Variants in RCOR3 observed in about 807,000 individuals in gnomAD.
The protein encoded by RCOR3 is REST corepressor 3.
In RCOR3, 13 loss-of-function variants were observed where a neutral mutation model predicts 64.1. That is an observed-to-expected ratio of 0.20 (90% CI 0.13 to 0.32). The LOEUF is 0.32. Ranked by LOEUF, RCOR3 falls within the 10% of genes least tolerant of loss-of-function variation. RCOR3 has a pLI of 1.00. For synonymous variants in RCOR3, 215 were observed against 239.0 expected (o/e 0.90, Z 0.93); for missense variants, 489 against 701.2 (o/e 0.70, Z 3.42).
intron 9 of RCOR3, chr1:211,303,537 C>T (rs1182569008): frequency 6.6e-6 from 1 of 152,420 alleles, no homozygotes; most frequent in South Asian, 2.1e-4. Context: ...CTAATGAAGT[C>T]TGATTAGATA....
At chr1:211,298,618 T>A (rs931780951) in intron 9 of RCOR3, among the ~76,000 whole-genome samples, 2 of 152,178 alleles carry the variant, frequency 1.3e-5, no homozygotes, top group African/African-American at 4.8e-5. Context: ...AGAGAAGGAA[T>A]GAACATGGTA....
At chr1:211,274,964 G>A (rs1696751493) in intron 4 of RCOR3, among the ~76,000 whole-genome samples, 1 of 151,322 alleles carries the variant, frequency 6.6e-6, no homozygotes, top group South Asian at 2.1e-4. Context: ...AACATACATA[G>A]TTATGGAGAT....
At chr1:211,275,503 A>C (rs1696836453) in intron 4 of RCOR3, among the ~76,000 whole-genome samples, 1 of 152,118 alleles carries the variant, frequency 6.6e-6, no homozygotes, top group South Asian at 2.1e-4. Flanking sequence ...TAACAAACTC[A>C]CTATTTATAA....
Position 211,289,027 on chromosome 1 carries a change from T to C in RCOR3, c.721-151T>C, listed in dbSNP as rs1428709551. 4.8e-6 allele frequency: 3 copies of C among 618,692 alleles called. No individual in the cohort carries two copies. In the African/African-American group the frequency reaches 5.5e-5, roughly 11 times the overall value. The allele number at this position is 618,692 out of a possible 1,614,324, so 38.3% of individuals were successfully genotyped here. ...CCAGTTGGTGAGTGTTATGTGTGTG[T>C]GTGTATGGACTTGTACATAATATAT... On this transcript the variant is annotated intron_variant, in intron 7 of 11. Coordinates refer to ENST00000419091, the MANE Select transcript of RCOR3 (RefSeq NM_001136223.3).
At chr1:211,283,419 G>T (rs1698096535) in intron 7 of RCOR3, among the ~76,000 whole-genome samples, 1 of 152,158 alleles carries the variant, frequency 6.6e-6, no homozygotes, top group African/African-American at 2.4e-5. Context: ...ACTTTCCTAG[G>T]TAATGGCATA....
chr1:211,308,365 C>T (rs1052560722), intron 10 of RCOR3, among the ~76,000 whole-genome samples: 1 of 152,126 alleles, frequency 6.6e-6, no homozygotes, highest in Non-Finnish European at 1.5e-5. Context: ...GCTACCTTTT[C>T]TACCTCTTAA....
In RCOR3 at chr1:211,295,413, G is replaced by A. The variant is rs988506134; in HGVS notation, c.940-263G>A. Among the ~76,000 whole-genome samples, 4 of 152,030 alleles carry A rather than the reference G, an allele frequency of 2.6e-5. No homozygotes were observed. In the East Asian group the frequency reaches 5.8e-4, roughly 22 times the overall value. On this transcript the variant is annotated intron_variant, in intron 8 of 11. Coordinates refer to ENST00000419091, the MANE Select transcript of RCOR3 (RefSeq NM_001136223.3). ...TTCCTATGTATGCCAGTTGTCTTTG[G>A]TTATAAAAGTTGTTGCTAAAAGATA...
chr1:211,262,683 T>C (rs1017689436), intron 2 of RCOR3, among the ~76,000 whole-genome samples: 2 of 152,190 alleles, frequency 1.3e-5, no homozygotes, highest in Non-Finnish European at 2.9e-5. Context: ...GTACATGCCA[T>C]AGCATTACAT....
chr1:211,290,597 C>G (rs1032903661), intron 8 of RCOR3, among the ~76,000 whole-genome samples: 4 of 152,090 alleles, frequency 2.6e-5, no homozygotes, highest in Non-Finnish European at 5.9e-5. Context: ...AGGCTTGTCT[C>G]AAACTCCTGG....
rs1485811735 is a variant in RCOR3, at chr1:211,259,730, G to A, written c.166+4G>A. The A allele has an allele frequency of 6.7e-7, 1 of 1,494,242 alleles. No individual in the cohort carries two copies. Among genetic ancestry groups the A allele is most frequent in the Admixed American group, 2.2e-5 (1 of 44,996 alleles). 92.6% of individuals were successfully genotyped at this position (1,494,242 alleles called of 1,614,324 possible). A position where few individuals can be genotyped will look rare whatever the true frequency, so the allele number is the denominator to read the frequency against. Reference sequence around the variant, plus strand: ...TGCAGCAGCGACGACGAGCACGGTGGTAGCCTCGAACTCCTCCCCGCCAGC... The same window carrying A: ...TGCAGCAGCGACGACGAGCACGGTGATAGCCTCGAACTCCTCCCCGCCAGC... On this transcript the variant is annotated splice_donor_region_variant and intron_variant, in intron 1 of 11. Coordinates refer to ENST00000419091, the MANE Select transcript of RCOR3 (RefSeq NM_001136223.3).
chr1:211,287,066 A>G (rs1328536379), intron 7 of RCOR3, among the ~76,000 whole-genome samples: 1 of 152,176 alleles, frequency 6.6e-6, no homozygotes, highest in South Asian at 2.1e-4. Flanking sequence ...AATCTAAGAC[A>G]CTTTAAAATC....
At chr1:211,277,919 A>G (rs1697240536) in intron 5 of RCOR3, among the ~76,000 whole-genome samples, 198 bp from the exon 6 acceptor site, 1 of 152,210 alleles carries the variant, frequency 6.6e-6, no homozygotes, top group South Asian at 2.1e-4. Flanking sequence ...CCCAGAACAA[A>G]TAGGAATATT....
intron 2 of RCOR3, among the ~76,000 whole-genome samples, chr1:211,261,937 A>AAAAAAAAC (rs1694367243): frequency 2.0e-5 from 3 of 147,908 alleles, no homozygotes; most frequent in African/African-American, 4.9e-5. Flanking sequence ...AAAAAAAAAA[A>AAAAAAAAC]AAAACTGAAT....
intron 8 of RCOR3, among the ~76,000 whole-genome samples, chr1:211,292,715 T>G (rs1699386858): frequency 6.6e-6 from 1 of 152,198 alleles, no homozygotes; most frequent in Non-Finnish European, 1.5e-5. Context: ...CAGTGAGTAG[T>G]GCCACATACT....
At chr1:211,267,429 G>A (rs961189255) in intron 2 of RCOR3, among the ~76,000 whole-genome samples, 4 of 152,094 alleles carry the variant, frequency 2.6e-5, no homozygotes, top group South Asian at 2.1e-4. Context: ...GGAAAATTGC[G>A]AAATGCTTAA....
At chr1:211,264,992 C>T (rs1339785378) in intron 2 of RCOR3, among the ~76,000 whole-genome samples, 1 of 152,032 alleles carries the variant, frequency 6.6e-6, no homozygotes, top group Non-Finnish European at 1.5e-5. Flanking sequence ...AACTACCTGA[C>T]TTCTCTAGGC....
Position 211,298,777 on chromosome 1 carries a change from C to T in RCOR3, c.1017+3024C>T, listed in dbSNP as rs376548710. Among the ~76,000 whole-genome samples the T allele has an allele frequency of 6.6e-5, 10 of 152,152 alleles. 1 individual carries two copies. In the East Asian group the frequency reaches 9.7e-4, roughly 15 times the overall value. On this transcript the variant is annotated intron_variant, in intron 9 of 11. Transcript: ENST00000419091. ...ATCCCAGTATTTTGGGAGGCCGAGG[C>T]GGGCGGATCACGAGGTCAGGAGATC... is the stretch of plus-strand genomic sequence containing the variant.
chr1:211,307,490 A>AGAATTTAAGAAG (rs1553263691), intron 10 of RCOR3, among the ~76,000 whole-genome samples: 2 of 150,590 alleles, frequency 1.3e-5, no homozygotes, highest in African/African-American at 4.9e-5. Context: ...CAAAAAAAAA[A>AGAATTTAAGAAG]GAATTTAAAA....
chr1:211,260,484 C>T (rs981349688), intron 2 of RCOR3, among the ~76,000 whole-genome samples: 5 of 152,226 alleles, frequency 3.3e-5, no homozygotes, highest in Non-Finnish European at 7.3e-5. Context: ...TCCGAGGCCG[C>T]GGGCTGGAGG....
Sources: gnomAD v4.1 joint callset for allele counts (sites outside exome capture counted in the v4.1 genomes callset) on GRCh38, gnomAD v4.1.1 for gene constraint, MANE v1.5 for transcripts, NCBI Gene and HGNC (gene_info 2026-07-23, HGNC 2026-07-21) for gene names.